PAX7: variants seen among roughly 807,000 people sequenced by gnomAD.
PAX7 encodes the protein paired box 7.
A neutral mutation model predicts 50.7 loss-of-function variants in PAX7; 18 were observed. That is an observed-to-expected ratio of 0.36 (90% CI 0.25 to 0.53). PAX7 has a LOEUF of 0.53. PAX7 is among the 20% of genes least tolerant of loss of function. The pLI, the probability that PAX7 is intolerant of heterozygous loss-of-function variation, is 0.93. For synonymous variants in PAX7, 310 were observed against 290.4 expected (o/e 1.07, Z -0.69); for missense variants, 644 against 702.9 (o/e 0.92, Z 0.95).
intron 4 of PAX7, among the ~76,000 whole-genome samples, chr1:18,651,464 T>C (rs575216222): frequency 1.3e-5 from 2 of 152,356 alleles, no homozygotes; most frequent in South Asian, 4.1e-4. Flanking sequence ...TTTGTTGAGT[T>C]GGGATATAAC....
intron 1 of PAX7, among the ~76,000 whole-genome samples, chr1:18,633,250 C>T (rs952783343): frequency 3.3e-5 from 5 of 152,234 alleles, no homozygotes; most frequent in African/African-American, 1.2e-4. Flanking sequence ...TCCCTCCACT[C>T]CCGCGGCTGT....
chr1:18,687,189 C>A (rs2088989541), intron 4 of PAX7, among the ~76,000 whole-genome samples: 1 of 152,110 alleles, frequency 6.6e-6, no homozygotes, highest in South Asian at 2.1e-4. Context: ...CCACACCAGG[C>A]CCCATCATCT....
chr1:18,709,164 GA>G (rs1397007222), intron 7 of PAX7, among the ~76,000 whole-genome samples: 1 of 152,150 alleles, frequency 6.6e-6, no homozygotes, highest in Non-Finnish European at 1.5e-5. Context: ...CTGAGGCCCA[GA>G]GAGGGCCCAA....
chr1:18,725,707 C>T (rs945852305), intron 7 of PAX7, among the ~76,000 whole-genome samples: 1 of 152,238 alleles, frequency 6.6e-6, no homozygotes, highest in Admixed American at 6.5e-5. Flanking sequence ...TCCCCCCGAG[C>T]CTCGCCGCTC....
At chr1:18,740,139 G>C (rs1010871116) in intron 8 of PAX7, among the ~76,000 whole-genome samples, 1 of 152,168 alleles carries the variant, frequency 6.6e-6, no homozygotes, top group Admixed American at 6.5e-5. Flanking sequence ...AGAGACAGAG[G>C]GACAGGGAGG....
rs377345315 is a variant in PAX7 at position 18,693,730 on chromosome 1, C to T, written c.786+1777C>T. Among the ~76,000 whole-genome samples, 52 of 152,274 alleles carry T rather than the reference C, an allele frequency of 3.4e-4. 1 individual carries two copies. In the South Asian group the frequency reaches 6.8e-3, roughly 20 times the overall value. ...ATCCGAGCTGGCTCCAGGCCTCCCT[C>T]CCGCTCTGATCCTCCTGCAGCTGTT... On this transcript the variant is annotated intron_variant, in intron 5 of 8. Coordinates refer to ENST00000420770, the MANE Select transcript of PAX7 (RefSeq NM_001135254.2).
At chr1:18,723,992 G>A (rs942320805) in intron 7 of PAX7, among the ~76,000 whole-genome samples, 3 of 152,136 alleles carry the variant, frequency 2.0e-5, no homozygotes, top group African/African-American at 7.2e-5. Flanking sequence ...ACGCTGTCAA[G>A]AGCAATTTGC....
intron 8 of PAX7, among the ~76,000 whole-genome samples, chr1:18,736,977 C>G (rs1434291401): frequency 3.3e-5 from 5 of 152,214 alleles, no homozygotes; most frequent in Admixed American, 3.3e-4. Context: ...GTTTCCAACT[C>G]TCTCCTCCAC....
intron 7 of PAX7, among the ~76,000 whole-genome samples, chr1:18,714,323 C>T (rs753955606): frequency 9.8e-5 from 15 of 152,300 alleles, no homozygotes; most frequent in Non-Finnish European, 1.9e-4. Flanking sequence ...TCATTTTACT[C>T]ATCTGTGAAA....
intron 4 of PAX7, among the ~76,000 whole-genome samples, chr1:18,637,018 G>C (rs1334747266): frequency 6.6e-6 from 1 of 152,192 alleles, no homozygotes; most frequent in African/African-American, 2.4e-5. Context: ...CAAGTTCCCA[G>C]ATGCCCAGGG....
chr1:18,634,074 C>G lies in PAX7; in HGVS notation c.86-229C>G, dbSNP rs138105865. Among the ~76,000 whole-genome samples, 15 of 152,320 alleles carry G rather than the reference C, an allele frequency of 9.8e-5. No individual in the cohort carries two copies. The highest frequency in any genetic ancestry group is 2.9e-4 in the African/African-American group (12 of 41,570). On this transcript the variant is annotated intron_variant, in intron 1 of 8. Transcript: ENST00000420770. The surrounding 1 kb of genome is among the most constrained non-coding windows in gnomAD (Gnocchi z 4.0). ...GGGGGACACAGCATCTGGGGAGACT[C>G]TTGCAGCTGTGACTCCTCTATCCAT... is the stretch of plus-strand genomic sequence containing the variant.
At chr1:18,701,435 AGT>A (rs1014038385) in intron 6 of PAX7, among the ~76,000 whole-genome samples, 1 of 148,856 alleles carries the variant, frequency 6.7e-6, no homozygotes, top group African/African-American at 2.5e-5. Context: ...TGAGTGTGTG[AGT>A]GTGTGCATGA....
chr1:18,703,526 T>C (rs2089249556), intron 7 of PAX7, among the ~76,000 whole-genome samples: 1 of 152,198 alleles, frequency 6.6e-6, no homozygotes, highest in Admixed American at 6.5e-5. Context: ...TGGAGAGAAT[T>C]GTGGATGGGG....
intron 5 of PAX7, among the ~76,000 whole-genome samples, chr1:18,695,967 G>A (rs1335113694): frequency 1.3e-5 from 2 of 152,058 alleles, no homozygotes; most frequent in Non-Finnish European, 1.5e-5. Context: ...TGTTCTGAAC[G>A]GAAATCCCAT....
At chr1:18,670,867 T>C (rs1346663416) in intron 4 of PAX7, among the ~76,000 whole-genome samples, 1 of 152,126 alleles carries the variant, frequency 6.6e-6, no homozygotes, top group African/African-American at 2.4e-5. Context: ...GAAATGGAAA[T>C]GGGACCCATT....
chr1:18,649,614 C>A (rs1436926899), intron 4 of PAX7, among the ~76,000 whole-genome samples: 1 of 152,162 alleles, frequency 6.6e-6, no homozygotes, highest in South Asian at 2.1e-4. Context: ...CCCCACCCCG[C>A]TATCACCCAC....
Position 18,726,167 on chromosome 1 carries a change from T to C in PAX7, c.1156-9465T>C, listed in dbSNP as rs113139787. On this transcript the variant is annotated intron_variant, in intron 7 of 8. Transcript: ENST00000420770. The surrounding 1 kb of genome is among the most constrained non-coding windows in gnomAD (Gnocchi z 4.8). Reference sequence around the variant, plus strand: ...GTGAGTGTGTGTGTGTGTGTGTGTGTGTGTGTGTGTGTCTTTGACTTCTTG... The same window carrying C: ...GTGAGTGTGTGTGTGTGTGTGTGTGCGTGTGTGTGTGTCTTTGACTTCTTG... Among the ~76,000 whole-genome samples, 2,727 of 151,264 alleles carry C rather than the reference T, an allele frequency of 0.018. 78 individuals are homozygous for C. The highest frequency in any genetic ancestry group is 0.062 in the African/African-American group (2,548 of 40,990).
chr1:18,645,738 GC>G (rs1254838266), intron 4 of PAX7, among the ~76,000 whole-genome samples: 1 of 149,858 alleles, frequency 6.7e-6, no homozygotes, highest in Non-Finnish European at 1.5e-5. Context: ...CTGAAAACTT[GC>G]CTTAAGTCTG....
intron 5 of PAX7, among the ~76,000 whole-genome samples, chr1:18,694,583 C>T (rs1217381261): frequency 6.6e-6 from 1 of 151,098 alleles, no homozygotes; most frequent in East Asian, 1.9e-4. Flanking sequence ...TCTGAGCATC[C>T]CCAAAGGGTT....
Sources: gnomAD v4.1 joint callset for allele counts (sites outside exome capture counted in the v4.1 genomes callset) on GRCh38, gnomAD v4.1.1 for gene constraint, Gnocchi (gnomAD v3.1) non-coding constraint, MANE v1.5 for transcripts, NCBI Gene and HGNC (gene_info 2026-07-23, HGNC 2026-07-21) for gene names.